Variants in MYOF observed in about 807,000 individuals in gnomAD.
MYOF encodes myoferlin.
In MYOF, 244 loss-of-function variants were observed where a neutral mutation model predicts 284.2. The observed-to-expected ratio is 0.86, with a 90% CI of 0.77 to 0.95. The LOEUF (loss-of-function observed/expected upper bound fraction) is 0.95. Ranked by LOEUF, MYOF falls within the 40% of genes least tolerant of loss-of-function variation. The pLI, the probability that MYOF is intolerant of heterozygous loss-of-function variation, is 0.00. For missense variants in MYOF, 2,496 were observed against 2,560.6 expected, an observed-to-expected ratio of 0.97 and a Z score of 0.54; for synonymous variants, 904 against 919.7, an observed-to-expected ratio of 0.98 and a Z score of 0.31.
chr10:93,389,883 C>T (rs1202461723), intron 17 of MYOF, among the ~76,000 whole-genome samples: 1 of 152,168 alleles, frequency 6.6e-6, no homozygotes, highest in African/African-American at 2.4e-5. Flanking sequence ...GCCTGAATGG[C>T]CCCCCATGGG....
chr10:93,325,828 G>C lies in MYOF; in HGVS notation c.5269C>G (p.Gln1757Glu), dbSNP rs1438540097. Reference sequence around the variant, plus strand: ...TCAAGGGAGGGAAGGCCCTTTACCTGGGAAATGTTGGGCTGGAAGGTGCTG... The same window carrying C: ...TCAAGGGAGGGAAGGCCCTTTACCTCGGAAATGTTGGGCTGGAAGGTGCTG... ...LHSTFQPNISQGKLQMWVDVF... is the reference protein window; with the variant it reads ...LHSTFQPNISEGKLQMWVDVF... Residue 1757 changes from glutamine (Q) to glutamate (E), a missense_variant and splice_region_variant, in exon 46 of 54, where the codon CAG (glutamine) becomes GAG (glutamate). Coordinates refer to ENST00000359263, the MANE Select transcript of MYOF (RefSeq NM_013451.4). 6.2e-7 allele frequency: 1 copy of C among 1,611,762 alleles called. No homozygotes were observed. The highest frequency in any genetic ancestry group is 8.5e-7 in the Non-Finnish European group (1 of 1,179,162).
chr10:93,438,683 T>A (rs1832857508), intron 3 of MYOF, among the ~76,000 whole-genome samples: 1 of 151,954 alleles, frequency 6.6e-6, no homozygotes, highest in Admixed American at 6.6e-5. Flanking sequence ...GGTAGAGGGC[T>A]AGGGATAGGG....
chr10:93,462,610 G>A lies in MYOF; in HGVS notation c.89-5673C>T, dbSNP rs2056909815. ...GCTAATAAGGAAAAACTAAGTGGCTGGCATTGGCTCCTACCCTTCTGGAGA... is the reference window on the plus strand; with the variant it reads ...GCTAATAAGGAAAAACTAAGTGGCTAGCATTGGCTCCTACCCTTCTGGAGA... On this transcript the variant is annotated intron_variant, in intron 1 of 53. Transcript: ENST00000359263. Among the ~76,000 whole-genome samples the A allele has an allele frequency of 2.0e-5, 3 of 152,030 alleles. No homozygotes were observed. In the South Asian group the frequency reaches 6.2e-4, roughly 31 times the overall value.
chr10:93,334,620 G>A (rs1163217984), intron 41 of MYOF, among the ~76,000 whole-genome samples: 3 of 152,154 alleles, frequency 2.0e-5, no homozygotes, highest in South Asian at 2.1e-4. Flanking sequence ...TTGAAGGAGC[G>A]AGCCAACAAG....
At chr10:93,391,792 A>G (rs1846699066) in intron 17 of MYOF, among the ~76,000 whole-genome samples, 2 of 152,184 alleles carry the variant, frequency 1.3e-5, no homozygotes, top group Non-Finnish European at 2.9e-5. Flanking sequence ...TGACCTAGCT[A>G]CAACCCACTT....
chr10:93,475,287 G>A (rs1053839825), intron 1 of MYOF, among the ~76,000 whole-genome samples: 1 of 152,222 alleles, frequency 6.6e-6, no homozygotes, highest in Non-Finnish European at 1.5e-5. Flanking sequence ...ATTACACAGT[G>A]AGTCAGCTGA....
At chr10:93,452,313 A>G (rs2985079) in intron 2 of MYOF, among the ~76,000 whole-genome samples, 172 bp from the exon 3 acceptor site, 119,110 of 151,960 alleles carry the variant, frequency 0.78, 46,763 homozygotes, top group East Asian at 0.86. Context: ...CTGAGGGGGC[A>G]GGAAAGCAAA....
intron 20 of MYOF, 44 bp downstream of exon 20, chr10:93,381,175 A>C (rs1360597113): frequency 1.9e-6 from 3 of 1,601,142 alleles, no homozygotes; most frequent in African/African-American, 2.7e-5. Context: ...CCCGTGGTGC[A>C]CCCATTGTAA....
chr10:93,363,527 A>C (rs946220269), intron 27 of MYOF, among the ~76,000 whole-genome samples: 1 of 152,132 alleles, frequency 6.6e-6, no homozygotes. Context: ...TTAGTCCAGC[A>C]TGGTGGCATG....
intron 5 of MYOF, among the ~76,000 whole-genome samples, chr10:93,420,752 C>A (rs1848324900): frequency 6.6e-6 from 1 of 152,190 alleles, no homozygotes; most frequent in Non-Finnish European, 1.5e-5. Flanking sequence ...GAGATTTTCA[C>A]TTTCCGTGTC....
At chr10:93,360,104 G>A in intron 28 of MYOF, 126 bp from the exon 29 acceptor site, 1 of 1,180,344 alleles carries the variant, frequency 8.5e-7, no homozygotes, top group Non-Finnish European at 1.2e-6. Flanking sequence ...GACCGAATAT[G>A]TGGCTGTTTT....
chr10:93,307,355 G>A (rs1327996453), intron 53 of MYOF, among the ~76,000 whole-genome samples: 2 of 152,032 alleles, frequency 1.3e-5, no homozygotes, highest in Admixed American at 6.6e-5. Context: ...GAGTGCAGTG[G>A]CGCGATCTCG....
intron 1 of MYOF, among the ~76,000 whole-genome samples, chr10:93,473,288 A>G (rs2057191066): frequency 2.0e-5 from 3 of 152,232 alleles, no homozygotes; most frequent in African/African-American, 7.2e-5. Flanking sequence ...GTGAGTAGAC[A>G]CATCTGGTCT....
intron 37 of MYOF, among the ~76,000 whole-genome samples, chr10:93,344,847 G>A (rs1463009926): frequency 5.1e-5 from 7 of 136,704 alleles, no homozygotes; most frequent in Admixed American, 2.3e-4. Context: ...TCTCAACAGC[G>A]TATGCAGAGG....
intron 4 of MYOF, among the ~76,000 whole-genome samples, chr10:93,427,423 C>T (rs1431849295): frequency 4.0e-5 from 6 of 150,046 alleles, no homozygotes; most frequent in Non-Finnish European, 5.9e-5. Context: ...CCCAGCTGCT[C>T]AGGGGGCTGA....
At chr10:93,315,289 G>C (rs1305154029) in intron 50 of MYOF, among the ~76,000 whole-genome samples, 2 of 152,168 alleles carry the variant, frequency 1.3e-5, no homozygotes, top group East Asian at 1.9e-4. Flanking sequence ...CCAGTCAGGG[G>C]CTACTGTAAC....
At chr10:93,481,969 C>T (rs752955580) in intron 1 of MYOF, 138 bp downstream of exon 1, 24 of 766,794 alleles carry the variant, frequency 3.1e-5, no homozygotes, top group Admixed American at 1.3e-4. Context: ...GTCCTCTCCC[C>T]TGTCCTGCGC....
intron 5 of MYOF, among the ~76,000 whole-genome samples, chr10:93,421,739 G>T (rs367643720): frequency 2.0e-5 from 3 of 152,082 alleles, no homozygotes; most frequent in African/African-American, 7.2e-5. Flanking sequence ...TTCTTGAAGC[G>T]CTCACCAGAA....
chr10:93,313,552 G>A (rs1842485789), intron 50 of MYOF, among the ~76,000 whole-genome samples: 1 of 152,162 alleles, frequency 6.6e-6, no homozygotes, highest in South Asian at 2.1e-4. Context: ...TTAGTTCTGA[G>A]CTGCCCTGAG....
Sources: allele counts gnomAD v4.1 joint callset (sites outside exome capture counted in the v4.1 genomes callset), GRCh38; gene constraint gnomAD v4.1.1; transcripts MANE v1.5; gene names NCBI Gene and HGNC (gene_info 2026-07-23, HGNC 2026-07-21).